Variants in NXPE4 observed in about 807,000 individuals in gnomAD.
The protein encoded by NXPE4 is neurexophilin and PC-esterase domain family member 4, also known as NXPE family member 4.
Under a neutral mutation model 33.3 loss-of-function variants are expected in NXPE4, and 42 were observed. The ratio of observed to expected loss-of-function variants is 1.26; its 90% CI spans 0.98 to 1.63. The LOEUF is 1.63. Ranked by LOEUF, NXPE4 falls within the 40% of genes most tolerant of loss-of-function variation. The pLI is 0.00. For synonymous variants in NXPE4, 253 were observed against 234.9 expected, an observed-to-expected ratio of 1.08 and a Z score of -0.71; for missense variants, 709 against 647.6, an observed-to-expected ratio of 1.09 and a Z score of -1.03.
the NXPE4 span, among the ~76,000 whole-genome samples, chr11:114,602,718 TATA>T: frequency 1.1e-5 from 1 of 92,126 alleles, no homozygotes; most frequent in Admixed American, 9.9e-5. Flanking sequence ...CAGAATCACA[TATA>T]ATTATCTCAT....
the NXPE4 span, among the ~76,000 whole-genome samples, chr11:114,674,380 TGAA>T: frequency 2.0e-5 from 3 of 151,706 alleles, no homozygotes; most frequent in Admixed American, 2.0e-4. Context: ...TCTATGGAGC[TGAA>T]TAATTTCACT....
the NXPE4 span, among the ~76,000 whole-genome samples, chr11:114,648,305 T>C: frequency 6.6e-6 from 1 of 152,052 alleles, no homozygotes; most frequent in Non-Finnish European, 1.5e-5. Context: ...CAAAAGCTGG[T>C]AGGTTGAAGG....
intron 2 of NXPE4, chr11:114,584,515 T>A (rs1949241703): frequency 5.7e-6 from 1 of 176,630 alleles, no homozygotes; most frequent in Admixed American, 6.2e-5. Flanking sequence ...GAAGAGTTCT[T>A]CGACTCTGAT....
chr11:114,658,970 C>T, the NXPE4 span, among the ~76,000 whole-genome samples: 1 of 152,064 alleles, frequency 6.6e-6, no homozygotes, highest in African/African-American at 2.4e-5. Flanking sequence ...CATTGACACA[C>T]AAGGAAGGAC....
At chr11:114,595,806 C>T (rs567390648), upstream of NXPE4, 16 of 152,344 alleles carry the variant, frequency 1.1e-4, no homozygotes, top group South Asian at 3.3e-3. Flanking sequence ...GTCAGCTCCA[C>T]CTTAAGGAGG....
rs145398652 is a variant in NXPE4, at chr11:114,585,376, T to C, written c.97-2355A>G. On this transcript the variant is annotated intron_variant, in intron 2 of 5. Coordinates refer to ENST00000375478, the MANE Select transcript of NXPE4 (RefSeq NM_001077639.2). The stretch of plus-strand genomic sequence containing the variant: ...AAAACAAGACCTAACTCTATCCTTC[T>C]GCAAGAGATTCACTTCAGCTTTAAG... 5.1e-3 allele frequency among the ~76,000 whole-genome samples: 783 copies of C among 152,226 alleles called. 4 individuals carry two copies. Among genetic ancestry groups the C allele is most frequent in the African/African-American group, 0.017 (700 of 41,556 alleles).
chr11:114,634,591 T>C, the NXPE4 span, among the ~76,000 whole-genome samples: 3 of 152,048 alleles, frequency 2.0e-5, no homozygotes, highest in Non-Finnish European at 4.4e-5. Flanking sequence ...GTTTTTATGG[T>C]TTTAGGTCTA....
chr11:114,626,634 C>T, the NXPE4 span, among the ~76,000 whole-genome samples: 10 of 152,182 alleles, frequency 6.6e-5, no homozygotes, highest in East Asian at 3.8e-4. Context: ...TCCAAAGGAA[C>T]GCAGTTCCTC....
Position 114,582,975 on chromosome 11 carries a change from T to C in NXPE4, c.143A>G (p.Asn48Ser). Reference protein sequence around the residue: ...NLSISLHYWNNSTKSLFPKTP... With the variant: ...NLSISLHYWNSSTKSLFPKTP... ...TTTAGGGAATAAGGACTTTGTGGAG[T>C]TGTTCCAGTAATGGAGGGAGATGGA... The change falls in exon 3 of 6, where the codon AAC becomes AGC. Residue 48 changes from asparagine to serine, a missense_variant. Transcript: ENST00000375478. 1.2e-6 allele frequency: 2 copies of C among 1,613,844 alleles called. No homozygotes were observed. Among genetic ancestry groups the C allele is most frequent in the Non-Finnish European group, 1.7e-6 (2 of 1,179,970 alleles).
the NXPE4 span, among the ~76,000 whole-genome samples, chr11:114,612,955 G>A: frequency 6.6e-6 from 1 of 151,920 alleles, no homozygotes; most frequent in African/African-American, 2.4e-5. Context: ...GTTACCTGCT[G>A]GATAATAATT....
At chr11:114,626,968 A>G in the NXPE4 span, among the ~76,000 whole-genome samples, 1 of 152,106 alleles carries the variant, frequency 6.6e-6, no homozygotes, top group African/African-American at 2.4e-5. Flanking sequence ...AAGTTTAGAG[A>G]AAAAAGAATA....
intron 5 of NXPE4, among the ~76,000 whole-genome samples, chr11:114,575,541 C>T (rs1948977889): frequency 2.0e-5 from 3 of 151,960 alleles, no homozygotes; most frequent in Admixed American, 1.3e-4. Flanking sequence ...CTGCTATACA[C>T]CAACAGCAAC....
At chr11:114,636,807 A>G in the NXPE4 span, among the ~76,000 whole-genome samples, 2 of 152,042 alleles carry the variant, frequency 1.3e-5, no homozygotes, top group Non-Finnish European at 2.9e-5. Flanking sequence ...TTCTAGTTTG[A>G]TTGCACTGTG....
At chr11:114,661,652 G>C in the NXPE4 span, among the ~76,000 whole-genome samples, 1 of 152,186 alleles carries the variant, frequency 6.6e-6, no homozygotes, top group South Asian at 2.1e-4. Context: ...CTTTATCTCA[G>C]GATTTTGCAT....
chr11:114,580,143 GC>G lies in NXPE4; in HGVS notation c.1087del (p.Ala363ProfsTer6). On this transcript the variant is annotated frameshift_variant, in exon 5 of 6. Transcript: ENST00000375478. LOFTEE classifies it low-confidence loss of function (END_TRUNC). ...TIRQWMEYFK[A>X]SINTLKSVDL... ...AGACTGAGGCATACTGTTGATACTG[GC>G]TTTGAAGTATTCCATCCACTGGCGG... is the stretch of plus-strand genomic sequence containing the variant. 6.2e-7 allele frequency: 1 copy of G among 1,613,146 alleles called. No individual in the cohort carries two copies. Among genetic ancestry groups the G allele is most frequent in the Non-Finnish European group, 8.5e-7 (1 of 1,179,116 alleles).
chr11:114,621,877 G>A, the NXPE4 span, among the ~76,000 whole-genome samples: 1 of 151,796 alleles, frequency 6.6e-6, no homozygotes, highest in Non-Finnish European at 1.5e-5. Context: ...TTACCTGCTG[G>A]ATAATAAGTA....
In NXPE4 at chr11:114,571,289, A is replaced by AT. The variant is rs1475536101; in HGVS notation, c.1283dup (p.Asn428LysfsTer18). 4.3e-6 allele frequency: 7 copies of AT among 1,613,896 alleles called. No individual in the cohort carries two copies. Among genetic ancestry groups the AT allele is most frequent in the Non-Finnish European group, 5.9e-6 (7 of 1,179,906 alleles). On this transcript the variant is annotated frameshift_variant, in exon 6 of 6. Transcript: ENST00000375478. LOFTEE classifies it low-confidence loss of function (END_TRUNC). ...GGCCCAGGGAAATAACAATGACAGT[A>AT]TTTTTTTCTCCTCCAGTTCTGTCAA...
chr11:114,638,227 CT>C, the NXPE4 span, among the ~76,000 whole-genome samples: 2 of 152,032 alleles, frequency 1.3e-5, no homozygotes, highest in Non-Finnish European at 2.9e-5. Flanking sequence ...TCTTTCATCA[CT>C]GATACACTTT....
upstream of NXPE4, among the ~76,000 whole-genome samples, chr11:114,598,849 G>T (rs1385390065): frequency 1.3e-5 from 2 of 149,310 alleles, no homozygotes; most frequent in Admixed American, 6.6e-5. Context: ...TCTCCCCATT[G>T]TCTCCACCTG....
Sources: gnomAD v4.1 joint callset for allele counts (sites outside exome capture counted in the v4.1 genomes callset) on GRCh38, gnomAD v4.1.1 for gene constraint, MANE v1.5 for transcripts, NCBI Gene and HGNC (gene_info 2026-07-23, HGNC 2026-07-21) for gene names.